The following GAP43 variants were observed in gnomAD, a reference collection of about 807,000 sequenced individuals.
GAP43 encodes the protein growth associated protein 43.
In GAP43, 6 loss-of-function variants were observed where a neutral mutation model predicts 18.6. The ratio of observed to expected loss-of-function variants is 0.32; its 90% CI spans 0.18 to 0.64. The LOEUF is 0.64. Among genes scored for constraint, GAP43 ranks in the 30% least tolerant of loss-of-function variants. The pLI is 0.78. For synonymous variants in GAP43, 115 were observed against 111.4 expected, an observed-to-expected ratio of 1.03 and a Z score of -0.20; for missense variants, 292 against 295.5, an observed-to-expected ratio of 0.99 and a Z score of 0.09.
chr3:115,666,731 A>G (rs973503588), intron 1 of GAP43, among the ~76,000 whole-genome samples: 4 of 152,226 alleles, frequency 2.6e-5, no homozygotes, highest in East Asian at 3.9e-4. Flanking sequence ...AAACTTACAC[A>G]TGTCTAACTC....
At chr3:115,651,151 G>T (rs1396131025) in intron 1 of GAP43, among the ~76,000 whole-genome samples, 1 of 151,956 alleles carries the variant, frequency 6.6e-6, no homozygotes, top group African/African-American at 2.4e-5. Context: ...TAATAATAAA[G>T]AAAGTAAAAT....
At chr3:115,715,150 T>C (rs1410186578) in intron 2 of GAP43, among the ~76,000 whole-genome samples, 1 of 152,178 alleles carries the variant, frequency 6.6e-6, no homozygotes, top group African/African-American at 2.4e-5. Context: ...GGGTTAGAAT[T>C]TCAACATATG....
intron 2 of GAP43, among the ~76,000 whole-genome samples, chr3:115,717,444 G>T (rs1057047745): frequency 6.6e-6 from 1 of 151,866 alleles, no homozygotes; most frequent in African/African-American, 2.4e-5. Context: ...CTAGTAGCTG[G>T]GATTATAGGC....
rs530457986 is a variant in GAP43 at position 115,654,309 on chromosome 3, A to G, written c.31-21704A>G. ...ACACACTTGTCCACTTATCCAGTAG[A>G]TGAAACCGCAAAGGAGGAGAGTTTA... is the stretch of plus-strand genomic sequence containing the variant. On this transcript the variant is annotated intron_variant, in intron 1 of 2. Coordinates refer to ENST00000305124, the MANE Select transcript of GAP43 (RefSeq NM_002045.4). Among the ~76,000 whole-genome samples, 38 of 152,324 alleles carry G rather than the reference A, an allele frequency of 2.5e-4. 1 individual carries two copies. Among genetic ancestry groups the G allele is most frequent in the African/African-American group, 8.2e-4 (34 of 41,584 alleles).
At chr3:115,670,945 A>T (rs945547989) in intron 1 of GAP43, among the ~76,000 whole-genome samples, 9 of 152,214 alleles carry the variant, frequency 5.9e-5, no homozygotes, top group African/African-American at 2.2e-4. Context: ...TACATCAATG[A>T]TTTGTAATGC....
At chr3:115,680,482 A>G (rs1021736820) in intron 2 of GAP43, among the ~76,000 whole-genome samples, 1 of 152,176 alleles carries the variant, frequency 6.6e-6, no homozygotes. Context: ...AAACCAAAAC[A>G]AAAACAAGAT....
chr3:115,684,721 G>A (rs188618600), intron 2 of GAP43, among the ~76,000 whole-genome samples: 2 of 152,288 alleles, frequency 1.3e-5, no homozygotes, highest in East Asian at 1.9e-4. Context: ...GTGGGTTGAG[G>A]AGAGTTAAGA....
At chr3:115,643,320 G>A (rs569305764) in intron 1 of GAP43, among the ~76,000 whole-genome samples, 1 of 152,158 alleles carries the variant, frequency 6.6e-6, no homozygotes, top group African/African-American at 2.4e-5. Flanking sequence ...TCAGTTGGTG[G>A]TTTTGCCTTG....
Position 115,623,537 on chromosome 3 carries a change from T to G in GAP43, c.-153T>G. 5 of 800,582 alleles carry G rather than the reference T, an allele frequency of 6.2e-6. No homozygotes were observed. Among genetic ancestry groups the G allele is most frequent in the Non-Finnish European group, 1.0e-5 (5 of 480,878 alleles). The allele number at this position is 800,582 out of a possible 1,614,324, so 49.6% of individuals were successfully genotyped here. A position where few individuals can be genotyped will look rare whatever the true frequency, so the allele number is the denominator to read the frequency against. ...AGTTGCTGCTAACTGCCCTGGTGTG[T>G]GTGAGGGAGAGAGAGGGAGGGAGGG... On this transcript the variant is annotated 5_prime_UTR_variant, in exon 1 of 3. Coordinates refer to ENST00000305124, the MANE Select transcript of GAP43 (RefSeq NM_002045.4).
intron 1 of GAP43, among the ~76,000 whole-genome samples, chr3:115,641,454 TAGAG>T (rs1309035305): frequency 2.7e-5 from 4 of 150,174 alleles, no homozygotes; most frequent in Admixed American, 6.7e-5. Context: ...TATATATATA[TAGAG>T]AGAGAAAGAG....
intron 2 of GAP43, among the ~76,000 whole-genome samples, chr3:115,697,611 C>A (rs1709213134): frequency 1.3e-5 from 2 of 152,172 alleles, no homozygotes; most frequent in African/African-American, 2.4e-5. Flanking sequence ...GAAATTGTTT[C>A]ATCTTTCAAT....
chr3:115,624,537 AG>A (rs945093146), intron 1 of GAP43, among the ~76,000 whole-genome samples: 7 of 152,058 alleles, frequency 4.6e-5, no homozygotes, highest in Admixed American at 1.3e-4. Flanking sequence ...TGGGATTGTC[AG>A]TGACCAGAGA....
chr3:115,704,413 T>TTTG (rs1427551517), intron 2 of GAP43, among the ~76,000 whole-genome samples: 1 of 152,102 alleles, frequency 6.6e-6, no homozygotes, highest in Non-Finnish European at 1.5e-5. Context: ...AAATGCTAAC[T>TTTG]ATTCAACCTT....
intron 2 of GAP43, among the ~76,000 whole-genome samples, chr3:115,680,744 G>T (rs919857757): frequency 2.0e-5 from 3 of 152,074 alleles, no homozygotes; most frequent in Non-Finnish European, 4.4e-5. Flanking sequence ...TTAACGAAAA[G>T]AATAGATGCA....
At chr3:115,692,485 C>T (rs1709127272) in intron 2 of GAP43, among the ~76,000 whole-genome samples, 1 of 152,168 alleles carries the variant, frequency 6.6e-6, no homozygotes, top group African/African-American at 2.4e-5. Context: ...ACAAAAAAGA[C>T]TCAGTACCAG....
intron 1 of GAP43, among the ~76,000 whole-genome samples, chr3:115,656,433 T>C (rs1007929307): frequency 1.3e-5 from 2 of 152,168 alleles, no homozygotes; most frequent in Non-Finnish European, 2.9e-5. Context: ...CTCTTTATAC[T>C]AGGCTCCCTC....
intron 2 of GAP43, among the ~76,000 whole-genome samples, chr3:115,720,124 T>A (rs184024588): frequency 6.6e-6 from 1 of 152,272 alleles, no homozygotes; most frequent in Admixed American, 6.5e-5. Context: ...AGTGGTACAG[T>A]CACTCAGTGA....
chr3:115,663,963 C>A lies in GAP43; in HGVS notation c.31-12050C>A, dbSNP rs531215739. 57 of 1,528,246 alleles carry A rather than the reference C, an allele frequency of 3.7e-5. No homozygotes were observed. The East Asian group carries it at 1.3e-3, about 34-fold the overall frequency. The allele number at this position is 1,528,246 out of a possible 1,614,324, so 94.7% of individuals were successfully genotyped here. The stretch of plus-strand genomic sequence containing the variant: ...CCTATACAAGTATTTTAGGTTAAAA[C>A]CCTGACTCTGCCACTTACTAGCTGT... On this transcript the variant is annotated intron_variant, in intron 1 of 2. Coordinates refer to ENST00000305124, the MANE Select transcript of GAP43 (RefSeq NM_002045.4).
chr3:115,676,109 C>G lies in GAP43; in HGVS notation c.127C>G (p.Arg43Gly). 6.2e-7 allele frequency: 1 copy of G among 1,614,134 alleles called. No homozygotes were observed. The highest frequency in any genetic ancestry group is 8.5e-7 in the Non-Finnish European group (1 of 1,180,026). ...KAATKIQASFRGHITRKKLKG... is the reference protein window; with the variant it reads ...KAATKIQASFGGHITRKKLKG... Reference sequence around the variant, plus strand: ...CGCAACCAAAATTCAGGCTAGCTTCCGTGGACACATAACAAGGAAAAAGCT... The same window carrying G: ...CGCAACCAAAATTCAGGCTAGCTTCGGTGGACACATAACAAGGAAAAAGCT... Residue 43 changes from arginine (R) to glycine (G), a missense_variant, in exon 2 of 3, where the codon CGT (arginine) becomes GGT (glycine). Coordinates refer to ENST00000305124, the MANE Select transcript of GAP43 (RefSeq NM_002045.4).
Sources: gnomAD v4.1 joint callset for allele counts (sites outside exome capture counted in the v4.1 genomes callset) on GRCh38, gnomAD v4.1.1 for gene constraint, MANE v1.5 for transcripts, NCBI Gene and HGNC (gene_info 2026-07-23, HGNC 2026-07-21) for gene names.